Variants in MTUS2 observed in about 807,000 individuals in gnomAD.
The protein encoded by MTUS2 is microtubule associated scaffold protein 2, also known as microtubule-associated tumor suppressor candidate 2.
MTUS2 carries 40 observed loss-of-function variants against 114.1 expected under a neutral mutation model. The observed-to-expected ratio is 0.35, with a 90% CI of 0.27 to 0.46. The LOEUF (loss-of-function observed/expected upper bound fraction) is 0.46. MTUS2 is among the 20% of genes least tolerant of loss of function. The pLI is 1.00. For synonymous variants in MTUS2, 688 were observed against 672.0 expected (o/e 1.02, Z -0.37); for missense variants, 1,679 against 1,705.4 (o/e 0.98, Z 0.27).
intron 4 of MTUS2, among the ~76,000 whole-genome samples, chr13:29,057,904 A>G (rs370953003): frequency 1.4e-3 from 220 of 151,986 alleles, no homozygotes; most frequent in African/African-American, 4.9e-3. Context: ...TCAATGGTCT[A>G]TGTTCTTTAG....
chr13:29,365,337 T>C (rs1870611575), intron 8 of MTUS2, among the ~76,000 whole-genome samples: 1 of 152,204 alleles, frequency 6.6e-6, no homozygotes, highest in South Asian at 2.1e-4. Context: ...TCAACATTCA[T>C]GGAAGATCCT....
intron 5 of MTUS2, among the ~76,000 whole-genome samples, chr13:29,260,779 G>A (rs1897442490): frequency 6.6e-6 from 1 of 152,152 alleles, no homozygotes; most frequent in Non-Finnish European, 1.5e-5. Context: ...GTTCTTAATC[G>A]GGACAGTATT....
intron 5 of MTUS2, among the ~76,000 whole-genome samples, chr13:29,223,194 A>ACTGTGG (rs1212717403): frequency 6.6e-6 from 1 of 152,018 alleles, no homozygotes; most frequent in Non-Finnish European, 1.5e-5. Flanking sequence ...CTGGAGTGAG[A>ACTGTGG]ACTTACGGTG....
In MTUS2 at chr13:29,504,574, G is replaced by T. The variant is rs189705078; in HGVS notation, c.*1368G>T. 2 of 232,970 alleles carry T rather than the reference G, an allele frequency of 8.6e-6. No homozygotes were observed. Among genetic ancestry groups the T allele is most frequent in the Non-Finnish European group, 1.7e-5 (2 of 117,840 alleles). The allele number at this position is 232,970 out of a possible 1,614,324, so 14.4% of individuals were successfully genotyped here. On this transcript the variant is annotated 3_prime_UTR_variant, in exon 16 of 16. Coordinates refer to ENST00000612955, the MANE Select transcript of MTUS2 (RefSeq NM_001033602.4). ...ACAGAGGAGCCCAGTGAAACAGCCAGCCAGGGGGCACCAGCTCCTGGACTG... is the reference window on the plus strand; with the variant it reads ...ACAGAGGAGCCCAGTGAAACAGCCATCCAGGGGGCACCAGCTCCTGGACTG...
chr13:28,892,600 G>A (rs908702849), intron 2 of MTUS2, among the ~76,000 whole-genome samples: 3 of 152,162 alleles, frequency 2.0e-5, no homozygotes, highest in African/African-American at 7.2e-5. Context: ...TTCATTGAGT[G>A]CATTTTGAAT....
intron 9 of MTUS2, among the ~76,000 whole-genome samples, chr13:29,462,706 G>A (rs1188774320): frequency 6.6e-6 from 1 of 152,108 alleles, no homozygotes; most frequent in Non-Finnish European, 1.5e-5. Flanking sequence ...CATAGCTAGA[G>A]GACATCATAG....
chr13:28,937,602 T>C (rs1475223173), intron 2 of MTUS2, among the ~76,000 whole-genome samples: 1 of 152,184 alleles, frequency 6.6e-6, no homozygotes, highest in African/African-American at 2.4e-5. Flanking sequence ...GAACCAACTC[T>C]GGACACAGTT....
At chr13:29,317,787 T>C (rs905570608) in intron 6 of MTUS2, among the ~76,000 whole-genome samples, 1 of 152,228 alleles carries the variant, frequency 6.6e-6, no homozygotes, top group Non-Finnish European at 1.5e-5. Context: ...ATTTGATATA[T>C]TCTGATCGAG....
intron 2 of MTUS2, among the ~76,000 whole-genome samples, chr13:28,974,814 G>C (rs183782463): frequency 2.0e-5 from 3 of 152,218 alleles, no homozygotes; most frequent in East Asian, 3.9e-4. Flanking sequence ...CAGTTTTACT[G>C]TTCACCAAAA....
At chr13:28,972,161 T>G (rs1883887623) in intron 2 of MTUS2, among the ~76,000 whole-genome samples, 1 of 152,190 alleles carries the variant, frequency 6.6e-6, no homozygotes, top group South Asian at 2.1e-4. Context: ...TCTCAGCATC[T>G]TAGATCTGCA....
rs367838968 is a variant in MTUS2, at chr13:29,001,848, AGATGT to A, written c.-242-22604_-242-22600del. On this transcript the variant is annotated intron_variant, in intron 2 of 15. Coordinates refer to ENST00000612955, the MANE Select transcript of MTUS2 (RefSeq NM_001033602.4). ...GCAGGAGTGTCAAAGTCAGAGGAGG[AGATGT>A]GATGATCAAAACAGAAGCTGGACTG... 2.2e-4 allele frequency among the ~76,000 whole-genome samples: 33 copies of A among 152,230 alleles called. No individual in the cohort carries two copies. The South Asian group carries it at 6.2e-3, about 29-fold the overall frequency.
chr13:29,365,197 A>G (rs1464380574), intron 8 of MTUS2, among the ~76,000 whole-genome samples: 1 of 152,228 alleles, frequency 6.6e-6, no homozygotes, highest in Non-Finnish European at 1.5e-5. Flanking sequence ...AATATTCCCA[A>G]TATCAAGGGA....
At chr13:28,911,975 T>G (rs1404983758) in intron 2 of MTUS2, among the ~76,000 whole-genome samples, 1 of 152,048 alleles carries the variant, frequency 6.6e-6, no homozygotes. Flanking sequence ...TGATGATAGT[T>G]TCTTTTGCTC....
At chr13:28,864,919 G>C (rs534749743) in intron 2 of MTUS2, among the ~76,000 whole-genome samples, 9 of 152,226 alleles carry the variant, frequency 5.9e-5, no homozygotes, top group African/African-American at 1.9e-4. Flanking sequence ...ATAATTGACA[G>C]CTTTCAATAG....
intron 2 of MTUS2, among the ~76,000 whole-genome samples, chr13:28,999,028 C>A (rs937077049): frequency 6.6e-6 from 1 of 152,030 alleles, no homozygotes; most frequent in African/African-American, 2.4e-5. Flanking sequence ...GTTTTATCTA[C>A]CTTTGGTCTT....
intron 7 of MTUS2, among the ~76,000 whole-genome samples, chr13:29,337,321 T>C (rs996747619): frequency 2.0e-5 from 3 of 152,128 alleles, no homozygotes; most frequent in Non-Finnish European, 4.4e-5. Flanking sequence ...GTGAAGACCA[T>C]GGGAAAAGCG....
At chr13:28,952,410 T>G (rs1252666236) in intron 2 of MTUS2, among the ~76,000 whole-genome samples, 4 of 152,250 alleles carry the variant, frequency 2.6e-5, no homozygotes, top group Admixed American at 2.6e-4. Context: ...AGTTTAACAA[T>G]GGATCATGTA....
At chr13:29,124,054 T>G (rs1306452657) in intron 5 of MTUS2, among the ~76,000 whole-genome samples, 1 of 152,220 alleles carries the variant, frequency 6.6e-6, no homozygotes, top group Non-Finnish European at 1.5e-5. Context: ...GTAAACACAT[T>G]AGCTTGGCAT....
At chr13:29,390,003 G>T (rs1384156234) in intron 8 of MTUS2, among the ~76,000 whole-genome samples, 1 of 43,344 alleles carries the variant, frequency 2.3e-5, no homozygotes, top group African/African-American at 7.1e-5. Flanking sequence ...GTATGTATGT[G>T]TATATATACA....
Sources: gnomAD v4.1 joint callset for allele counts (sites outside exome capture counted in the v4.1 genomes callset) on GRCh38, gnomAD v4.1.1 for gene constraint, MANE v1.5 for transcripts, NCBI Gene and HGNC (gene_info 2026-07-23, HGNC 2026-07-21) for gene names.